The following PURG variants were observed in gnomAD, a reference collection of about 807,000 sequenced individuals.
The protein encoded by PURG is purine-rich element-binding protein gamma.
PURG carries 3 observed loss-of-function variants against 24.3 expected under a neutral mutation model. That is an observed-to-expected ratio of 0.12 (90% confidence interval 0.06 to 0.32). The LOEUF is 0.32. Ranked by LOEUF, PURG falls within the 10% of genes least tolerant of loss-of-function variation. PURG has a pLI of 1.00. For missense variants in PURG, 371 were observed against 439.1 expected (o/e 0.84, Z 1.39); for synonymous variants, 180 against 173.1 (o/e 1.04, Z -0.31).
downstream of PURG, among the ~76,000 whole-genome samples, chr8:31,026,840 G>A (rs1811098996): frequency 6.6e-6 from 1 of 151,022 alleles, no homozygotes; most frequent in Middle Eastern, 3.2e-3. Context: ...AAATTTAAAT[G>A]ATTTAAAATA....
intron 1 of PURG, among the ~76,000 whole-genome samples, chr8:31,001,435 T>C (rs1303103277): frequency 6.6e-6 from 1 of 152,204 alleles, no homozygotes; most frequent in South Asian, 2.1e-4. Flanking sequence ...AGTTAATGCA[T>C]TGCTTGTGCA....
chr8:31,018,472 G>A (rs1250004190), intron 1 of PURG, among the ~76,000 whole-genome samples: 1 of 152,128 alleles, frequency 6.6e-6, no homozygotes, highest in East Asian at 1.9e-4. Context: ...CCCTAATGTT[G>A]AGCTGAAGTC....
At chr8:31,015,563 A>G (rs1810846572) in intron 1 of PURG, among the ~76,000 whole-genome samples, 1 of 152,172 alleles carries the variant, frequency 6.6e-6, no homozygotes, top group Non-Finnish European at 1.5e-5. Flanking sequence ...GAAGACTCTG[A>G]ATGTTTGGTT....
At chr8:31,000,633 C>T (rs1810519252) in intron 1 of PURG, among the ~76,000 whole-genome samples, 1 of 152,006 alleles carries the variant, frequency 6.6e-6, no homozygotes, top group African/African-American at 2.4e-5. Context: ...CTGGTAAGAA[C>T]ATAAAAGTAC....
chr8:31,009,509 G>A (rs1176939057), intron 1 of PURG, among the ~76,000 whole-genome samples: 1 of 152,168 alleles, frequency 6.6e-6, no homozygotes, highest in Non-Finnish European at 1.5e-5. Context: ...TAGCCTGCCA[G>A]TTCCTCAGTG....
chr8:31,009,053 T>G (rs1810712971), intron 1 of PURG, among the ~76,000 whole-genome samples: 1 of 152,248 alleles, frequency 6.6e-6, no homozygotes, highest in South Asian at 2.1e-4. Context: ...CATATTGATC[T>G]GACTTTTATA....
chr8:31,022,162 A>G (rs908971760), intron 1 of PURG, among the ~76,000 whole-genome samples: 8 of 151,954 alleles, frequency 5.3e-5, no homozygotes, highest in African/African-American at 1.9e-4. Flanking sequence ...GTAGAGACGG[A>G]GTTTAACCAT....
At chr8:31,016,458 ACTT>A (rs1276490685) in intron 1 of PURG, among the ~76,000 whole-genome samples, 6 of 151,434 alleles carry the variant, frequency 4.0e-5, no homozygotes, top group Admixed American at 3.9e-4. Flanking sequence ...CCTGGATACT[ACTT>A]ATTAATATTG....
At chr8:31,009,321 G>A (rs1288677853) in intron 1 of PURG, among the ~76,000 whole-genome samples, 1 of 152,164 alleles carries the variant, frequency 6.6e-6, no homozygotes, top group Admixed American at 6.5e-5. Flanking sequence ...AGCTACTCGG[G>A]GGGCTAGGGT....
chr8:31,021,848 T>A (rs1370977236), intron 1 of PURG, among the ~76,000 whole-genome samples: 1 of 152,176 alleles, frequency 6.6e-6, no homozygotes, highest in Non-Finnish European at 1.5e-5. Context: ...TAGTATACAG[T>A]GGGTGGTCCA....
rs1554514427 is a variant in PURG, at chr8:31,033,176, G to GCCCCCCGCCT, written c.-115_-106dup. 2 of 201,908 alleles carry GCCCCCCGCCT rather than the reference G, an allele frequency of 9.9e-6. No individual in the cohort carries two copies. The highest frequency in any genetic ancestry group is 2.0e-5 in the Non-Finnish European group (2 of 102,458). The allele number at this position is 201,908 out of a possible 1,614,324, so 12.5% of individuals were successfully genotyped here. A position where few individuals can be genotyped will look rare whatever the true frequency, so the allele number is the denominator to read the frequency against. ...CTCTGCTGCAGCCGCCGCAGCCGCC[G>GCCCCCCGCCT]CCCCCCGCCTCCTCCCCCGCCGCCG... On this transcript the variant is annotated 5_prime_UTR_variant, in exon 1 of 2. An upstream open reading frame in the 5' UTR gains an earlier in-frame stop. Coordinates refer to ENST00000523392, the MANE Select transcript of PURG (RefSeq NM_001323311.2).
rs984845943 is a variant in PURG at position 31,032,901 on chromosome 8, C to A, written c.-6-113G>T. 1.3e-6 allele frequency: 1 copy of A among 769,210 alleles called. No individual in the cohort carries two copies. The highest frequency in any genetic ancestry group is 1.9e-5 in the African/African-American group (1 of 53,594). The allele number at this position is 769,210 out of a possible 1,614,324, so 47.6% of individuals were successfully genotyped here. ...GCCGCCCGCGACCCCCACGCCGGGCCCGGCTCCCCCGGCGCCGCAGCGCGG... is the reference window on the plus strand; with the variant it reads ...GCCGCCCGCGACCCCCACGCCGGGCACGGCTCCCCCGGCGCCGCAGCGCGG... On this transcript the variant is annotated intron_variant, in intron 1 of 1. Transcript: ENST00000523392. This position sits in a 1 kb window ranked among gnomAD's most constrained non-coding sequence, Gnocchi z 5.9.
Position 31,016,577 on chromosome 8 carries a change from GAACCAAAA to G in PURG, c.864+15334_864+15341del, listed in dbSNP as rs1171695851. Among the ~76,000 whole-genome samples, 7 of 37,330 alleles carry G rather than the reference GAACCAAAA, an allele frequency of 1.9e-4. No individual in the cohort carries two copies. The South Asian group carries it at 4.1e-3, about 22-fold the overall frequency. 24.5% of individuals were successfully genotyped at this position (37,330 alleles called of 152,430 possible). A position where few individuals can be genotyped will look rare whatever the true frequency, so the allele number is the denominator to read the frequency against. ...GGAAGAAAGAATGCAAGTCTACCAA[GAACCAAAA>G]AAAAAAAAAAAAAAAAAAAAAAAAG... is the stretch of plus-strand genomic sequence containing the variant. On this transcript the variant is annotated intron_variant, in intron 1 of 1. Coordinates refer to the PURG transcript ENST00000339382.
exon 2 of PURG, chr8:30,996,599 C>T: frequency 2.5e-6 from 4 of 1,603,214 alleles, no homozygotes; most frequent in Non-Finnish European, 3.4e-6. Flanking sequence ...TTCCTTATTC[C>T]TCAACTGTTT....
At chr8:31,018,619 T>A (rs568389520) in intron 1 of PURG, among the ~76,000 whole-genome samples, 2 of 152,342 alleles carry the variant, frequency 1.3e-5, no homozygotes, top group African/African-American at 4.8e-5. Flanking sequence ...CCTGTAATGA[T>A]CCATTTGAGT....
chr8:31,005,778 T>C (rs1585354318), intron 1 of PURG, among the ~76,000 whole-genome samples: 2 of 135,478 alleles, frequency 1.5e-5, no homozygotes, highest in Non-Finnish European at 3.3e-5. Context: ...TTTCTTTTTT[T>C]TTTTTTTCAT....
chr8:31,016,558 A>G (rs1194102189), intron 1 of PURG, among the ~76,000 whole-genome samples: 1 of 148,514 alleles, frequency 6.7e-6, no homozygotes, highest in African/African-American at 2.5e-5. Context: ...ATATGGAAGA[A>G]AGAATGCAAG....
At chr8:31,014,552 A>G (rs889109839) in intron 1 of PURG, among the ~76,000 whole-genome samples, 5 of 152,220 alleles carry the variant, frequency 3.3e-5, no homozygotes, top group African/African-American at 1.2e-4. Context: ...TTTGCAGAAA[A>G]ATACATTTTT....
chr8:31,018,654 C>A (rs904417945), intron 1 of PURG, among the ~76,000 whole-genome samples: 1 of 152,040 alleles, frequency 6.6e-6, no homozygotes, highest in African/African-American at 2.4e-5. Context: ...GTTATGTCAG[C>A]AGTTAGTTAA....
Sources: gnomAD v4.1 joint callset for allele counts (sites outside exome capture counted in the v4.1 genomes callset) on GRCh38, gnomAD v4.1.1 for gene constraint, Gnocchi (gnomAD v3.1) non-coding constraint, MANE v1.5 for transcripts, NCBI Gene and HGNC (gene_info 2026-07-23, HGNC 2026-07-21) for gene names.